The following CHD9 variants were observed in gnomAD, a reference collection of about 807,000 sequenced individuals.
The protein encoded by CHD9 is ATP-dependent chromatin remodeler CHD9.
CHD9 carries 77 observed loss-of-function variants against 316.1 expected under a neutral mutation model. The observed-to-expected ratio is 0.24, with a 90% CI of 0.20 to 0.29. CHD9 has a LOEUF of 0.29. Among genes scored for constraint, CHD9 ranks in the 10% least tolerant of loss-of-function variants. The pLI is 1.00. For synonymous variants in CHD9, 1,129 were observed against 1,158.3 expected (o/e 0.97, Z 0.51); for missense variants, 2,763 against 3,438.1 (o/e 0.80, Z 4.91).
intron 31 of CHD9, among the ~76,000 whole-genome samples, chr16:53,305,549 C>T (rs914165810): frequency 1.3e-5 from 2 of 152,156 alleles, no homozygotes; most frequent in Non-Finnish European, 2.9e-5. Context: ...TTCCCAGGAA[C>T]AAGTTGATTA....
intron 4 of CHD9, among the ~76,000 whole-genome samples, chr16:53,223,810 A>G (rs917662728): frequency 1.3e-5 from 2 of 151,950 alleles, no homozygotes; most frequent in Non-Finnish European, 2.9e-5. Context: ...ATAGTTATAA[A>G]TCTACATTAT....
At chr16:53,273,215 T>G (rs985332830) in intron 22 of CHD9, among the ~76,000 whole-genome samples, 1 of 152,208 alleles carries the variant, frequency 6.6e-6, no homozygotes, top group African/African-American at 2.4e-5. Flanking sequence ...TAAAATGAGT[T>G]TAGCTATCTT....
At chr16:53,259,659 CA>C (rs2050913971) in intron 19 of CHD9, among the ~76,000 whole-genome samples, 2 of 152,130 alleles carry the variant, frequency 1.3e-5, no homozygotes, top group Admixed American at 6.5e-5. Flanking sequence ...ACCACAGGCA[CA>C]TGCCGCCATG....
intron 10 of CHD9, among the ~76,000 whole-genome samples, chr16:53,234,233 T>G (rs181770066): frequency 6.6e-6 from 1 of 152,202 alleles, no homozygotes; most frequent in Non-Finnish European, 1.5e-5. Flanking sequence ...CTGCTTAGTT[T>G]AGCTTTCATG....
chr16:53,279,156 A>T (rs1009350532), intron 24 of CHD9, among the ~76,000 whole-genome samples: 1 of 152,220 alleles, frequency 6.6e-6, no homozygotes, highest in Non-Finnish European at 1.5e-5. Context: ...TGGCACATAT[A>T]CACCATGGAA....
chr16:53,227,107 GATA>G, intron 5 of CHD9: 1 of 238,594 alleles, frequency 4.2e-6, no homozygotes, highest in Admixed American at 6.2e-5. Context: ...AAATGGAAAT[GATA>G]ATAATGAAGA....
chr16:53,132,483 T>G (rs2039399313), intron 1 of CHD9, among the ~76,000 whole-genome samples: 1 of 152,234 alleles, frequency 6.6e-6, no homozygotes, highest in African/African-American at 2.4e-5. Context: ...TAGATAACTG[T>G]AGAAGTAGTT....
intron 37 of CHD9, 52 bp from the exon 38 acceptor site, chr16:53,321,474 A>G: frequency 6.8e-7 from 1 of 1,466,918 alleles, no homozygotes; most frequent in Non-Finnish European, 9.1e-7. Context: ...AAAGCAATCA[A>G]GAGTTTTCTA....
chr16:53,184,127 G>T (rs1013668083), intron 2 of CHD9, among the ~76,000 whole-genome samples: 1 of 151,940 alleles, frequency 6.6e-6, no homozygotes, highest in Non-Finnish European at 1.5e-5. Flanking sequence ...TGTGTTTTTA[G>T]TAGAGATGGG....
At chr16:53,190,865 A>G (rs190829107) in intron 2 of CHD9, among the ~76,000 whole-genome samples, 4 of 152,126 alleles carry the variant, frequency 2.6e-5, no homozygotes, top group African/African-American at 9.6e-5. Flanking sequence ...AAAGAAGAGG[A>G]GTTATTAAAC....
At chr16:53,195,692 A>G (rs921453280) in intron 2 of CHD9, among the ~76,000 whole-genome samples, 1 of 151,362 alleles carries the variant, frequency 6.6e-6, no homozygotes, top group Non-Finnish European at 1.5e-5. Flanking sequence ...TTTTTTTTTT[A>G]AGTTTTATTT....
chr16:53,255,279 A>G (rs1205254020), intron 18 of CHD9, among the ~76,000 whole-genome samples: 1 of 152,224 alleles, frequency 6.6e-6, no homozygotes, highest in Admixed American at 6.5e-5. Flanking sequence ...ACTGCACTCT[A>G]GCATGGATAA....
In CHD9 at chr16:53,259,274, A is replaced by G. The variant is rs561099025; in HGVS notation, c.4209+3495A>G. 3.9e-5 allele frequency among the ~76,000 whole-genome samples: 6 copies of G among 152,276 alleles called. No homozygotes were observed. In the South Asian group the frequency reaches 8.3e-4, roughly 21 times the overall value. ...GTTTTATTTGTAAATTAAATTTATC[A>G]TTTGTCTTATAATGAATGTAACAAA... On this transcript the variant is annotated intron_variant, in intron 19 of 38. Transcript: ENST00000447540.
At chr16:53,286,154 C>A (rs547243456) in intron 25 of CHD9, 72 bp from the exon 26 acceptor site, 6 of 733,720 alleles carry the variant, frequency 8.2e-6, no homozygotes, top group Non-Finnish European at 1.4e-5. Context: ...ACTGTAAATA[C>A]GAGGAATGCT....
chr16:53,314,545 C>A (rs1780171579), intron 35 of CHD9, 29 bp downstream of exon 35: 2 of 1,503,998 alleles, frequency 1.3e-6, no homozygotes, highest in Non-Finnish European at 1.8e-6. Context: ...AAAAACTGAT[C>A]CTTGAATTCA....
intron 1 of CHD9, among the ~76,000 whole-genome samples, chr16:53,124,557 C>T (rs1300065523): frequency 7.0e-6 from 1 of 142,586 alleles, no homozygotes; most frequent in Non-Finnish European, 1.5e-5. Flanking sequence ...TGGCTCATTG[C>T]AACCTCTGCC....
At chr16:53,155,339 C>G (rs561423738) in intron 1 of CHD9, among the ~76,000 whole-genome samples, 1 of 152,002 alleles carries the variant, frequency 6.6e-6, no homozygotes, top group Non-Finnish European at 1.5e-5. Flanking sequence ...CCTCCCACCT[C>G]AGCCTCCCAG....
rs1256869926 is a variant in CHD9, at chr16:53,281,436, A to T, written c.4968-4160A>T. Among the ~76,000 whole-genome samples, 6 of 152,138 alleles carry T rather than the reference A, an allele frequency of 3.9e-5. No homozygotes were observed. The South Asian group carries it at 1.2e-3, about 32-fold the overall frequency. ...TCTCCTCTGCCAAATCCCTAGTCCA[A>T]GCTGCCATGATCTCACAGTTAGACT... On this transcript the variant is annotated intron_variant, in intron 24 of 38. Coordinates refer to ENST00000447540, the MANE Select transcript of CHD9 (RefSeq NM_001308319.2).
chr16:53,151,167 C>CTTTCTT (rs1254669823), intron 1 of CHD9, among the ~76,000 whole-genome samples: 6 of 150,904 alleles, frequency 4.0e-5, no homozygotes, highest in East Asian at 1.9e-4. Flanking sequence ...CTTCATTTTT[C>CTTTCTT]TTTCTTTTTC....
Sources: allele counts gnomAD v4.1 joint callset (sites outside exome capture counted in the v4.1 genomes callset), GRCh38; gene constraint gnomAD v4.1.1; transcripts MANE v1.5; gene names NCBI Gene and HGNC (gene_info 2026-07-23, HGNC 2026-07-21).